Variants in BLM observed in about 807,000 individuals in gnomAD.
The protein encoded by BLM is recQ-like DNA helicase BLM.
A neutral mutation model predicts 135.3 loss-of-function variants in BLM; 95 were observed. That is an observed-to-expected ratio of 0.70 (90% CI 0.59 to 0.83). The LOEUF (loss-of-function observed/expected upper bound fraction) is 0.83. BLM is among the 40% of genes least tolerant of loss of function. BLM has a pLI of 0.00. For missense variants in BLM, 1,518 were observed against 1,663.9 expected, an observed-to-expected ratio of 0.91 and a Z score of 1.53; for synonymous variants, 520 against 589.2, an observed-to-expected ratio of 0.88 and a Z score of 1.70.
chr15:90,811,256 G>C lies in BLM; in HGVS notation c.3926G>C (p.Arg1309Thr), dbSNP rs1280067298. The C allele has an allele frequency of 1.2e-6, 2 of 1,614,164 alleles. No homozygotes were observed. The highest frequency in any genetic ancestry group is 2.2e-5 in the East Asian group (1 of 44,888). The change falls in exon 21 of 22, where the codon AGA (arginine) becomes ACA (threonine). Residue 1309 changes from arginine to threonine, a missense_variant. Physicochemically the swap from Arg to Thr is moderately conservative, Grantham distance 71. Transcript: ENST00000355112. ...ISLSSSRGPG[R>T]SAAEELDEEI... is the part of the protein sequence containing the mutation. ...CTGTCCAGCAGCAGAGGCCCCGGAA[G>C]AAGTGCCGCTGAGGAGCTCGACGAG... is the stretch of plus-strand genomic sequence containing the variant.
chr15:90,788,461 C>T (rs1292485571), intron 14 of BLM, among the ~76,000 whole-genome samples: 1 of 144,266 alleles, frequency 6.9e-6, no homozygotes, highest in African/African-American at 2.6e-5. Flanking sequence ...AACCCAAATG[C>T]CAGTGTTTTG....
chr15:90,770,176 C>CTTTTTTTTT (rs1452541663), intron 12 of BLM, among the ~76,000 whole-genome samples: 1 of 141,070 alleles, frequency 7.1e-6, no homozygotes, highest in Non-Finnish European at 1.5e-5. Context: ...ATCCCCCCCC[C>CTTTTTTTTT]CTTTTTTTTT....
rs1895953744 is a variant in BLM at position 90,760,729 on chromosome 15, G to A, written c.1356G>A (p.Glu452=). 2 of 1,614,122 alleles carry A rather than the reference G, an allele frequency of 1.2e-6. No homozygotes were observed. Among genetic ancestry groups the A allele is most frequent in the Non-Finnish European group, 1.7e-6 (2 of 1,180,024 alleles). ...DSCPTGNSMK[E]LNFSHLPSNS... The stretch of plus-strand genomic sequence containing the variant: ...GCCCTACAGGGAATTCTATGAAGGA[G>A]TTAAATTTTTCACACCTTCCCTCAA... Residue 452 remains glutamate (E), a synonymous_variant, in exon 7 of 22, where the codon GAG becomes GAA. Transcript: ENST00000355112.
chr15:90,760,629 G>A lies in BLM; in HGVS notation c.1256G>A (p.Ser419Asn). 1.2e-6 allele frequency: 2 copies of A among 1,612,308 alleles called. No homozygotes were observed. The highest frequency in any genetic ancestry group is 2.2e-5 in the East Asian group (1 of 44,840). ...KLLTEVDFNKSDASLLGSLWR... is the reference protein window; with the variant it reads ...KLLTEVDFNKNDASLLGSLWR... ...CTAACGGAAGTAGATTTTAATAAAA[G>A]TGATGCCAGTCTTCTTGGCTCATTG... The change falls in exon 7 of 22, where the codon AGT becomes AAT. Residue 419 changes from serine to asparagine, a missense_variant. By Grantham distance (46) the Ser-to-Asn change is conservative (BLOSUM62 1). This residue lies in a region of BLM where 724 missense variants were observed against 756.9 expected (regional missense o/e 0.96). Coordinates refer to ENST00000355112, the MANE Select transcript of BLM (RefSeq NM_000057.4).
chr15:90,739,330 G>A (rs139020271), intron 1 of BLM, among the ~76,000 whole-genome samples: 113 of 152,272 alleles, frequency 7.4e-4, no homozygotes, highest in African/African-American at 2.6e-3. Flanking sequence ...GAACCCGGGA[G>A]GCAGAGGTTG....
chr15:90,728,978 G>A (rs1285427335), intron 1 of BLM, among the ~76,000 whole-genome samples: 3 of 151,800 alleles, frequency 2.0e-5, no homozygotes, highest in South Asian at 2.1e-4. Context: ...CCAGAAATTC[G>A]AGACCAGTCT....
In BLM at chr15:90,760,752, C is replaced by G; in HGVS notation, c.1379C>G (p.Ser460Ter). Residue 460 changes from serine (S) to a stop codon, truncating the protein, a stop_gained, in exon 7 of 22, where the codon TCA (serine) becomes TGA (stop). Transcript: ENST00000355112. LOFTEE classifies it high-confidence loss of function. Reference protein sequence around the residue: ...MKELNFSHLPSNSVSPGDCLL... With the variant: ...MKELNFSHLP Reference sequence around the variant, plus strand: ...GAGTTAAATTTTTCACACCTTCCCTCAAATTCTGTTTCTCCTGGGGACTGT... The same window carrying G: ...GAGTTAAATTTTTCACACCTTCCCTGAAATTCTGTTTCTCCTGGGGACTGT... 6.2e-7 allele frequency: 1 copy of G among 1,614,080 alleles called. No homozygotes were observed. The highest frequency in any genetic ancestry group is 2.2e-5 in the East Asian group (1 of 44,878).
chr15:90,806,442 T>C (rs948261101), intron 19 of BLM, among the ~76,000 whole-genome samples: 3 of 143,340 alleles, frequency 2.1e-5, no homozygotes, highest in African/African-American at 8.0e-5. Flanking sequence ...ACCCAGGAGG[T>C]GGAGGTTGCA....
At chr15:90,773,294 C>A (rs967436490) in intron 12 of BLM, among the ~76,000 whole-genome samples, 2 of 151,630 alleles carry the variant, frequency 1.3e-5, no homozygotes, top group South Asian at 2.1e-4. Context: ...GTGGTGGGCG[C>A]CTGTAATACC....
Position 90,815,197 on chromosome 15 carries a change from G to A in BLM, c.4172G>A (p.Gly1391Glu), listed in dbSNP as rs770278313. Residue 1391 changes from glycine to glutamate, a missense_variant, in exon 22 of 22, where the codon GGA (glycine) becomes GAA (glutamate). This residue lies in a region of BLM where 153 missense variants were observed against 173.4 expected (regional missense o/e 0.88). Coordinates refer to ENST00000355112, the MANE Select transcript of BLM (RefSeq NM_000057.4). The surrounding 1 kb of genome is among the most constrained non-coding windows in gnomAD (Gnocchi z 4.6). ...SASHTSQATSGANSKLGIMAP... is the reference protein window; with the variant it reads ...SASHTSQATSEANSKLGIMAP... ...TCACATACTTCTCAAGCGACATCAG[G>A]AGCCAATAGCAAATTGGGGATTATG... 2 of 1,614,142 alleles carry A rather than the reference G, an allele frequency of 1.2e-6. No homozygotes were observed. The highest frequency in any genetic ancestry group is 1.7e-6 in the Non-Finnish European group (2 of 1,180,030).
intron 12 of BLM, among the ~76,000 whole-genome samples, chr15:90,778,695 T>C (rs138422247): frequency 2.5e-3 from 381 of 152,356 alleles, no homozygotes; most frequent in Non-Finnish European, 4.4e-3. Context: ...TAATATTCCA[T>C]TGTAGACGTC....
chr15:90,734,313 A>C (rs1287488860), intron 1 of BLM, among the ~76,000 whole-genome samples: 3 of 149,438 alleles, frequency 2.0e-5, no homozygotes, highest in Non-Finnish European at 3.0e-5. Context: ...TTTGAGATGG[A>C]GTCTCACCCT....
chr15:90,765,544 C>A, intron 9 of BLM, 130 bp downstream of exon 9: 1 of 740,336 alleles, frequency 1.4e-6, no homozygotes, highest in Non-Finnish European at 2.3e-6. Context: ...TGCAGTTGAA[C>A]AGAAGTCTGA....
rs1269271124 is a variant in BLM, at chr15:90,733,389, G to A, written c.-4-14000G>A. Among the ~76,000 whole-genome samples the A allele has an allele frequency of 5.9e-5, 9 of 152,180 alleles. 1 individual carries two copies. The East Asian group carries it at 7.7e-4, about 13-fold the overall frequency. On this transcript the variant is annotated intron_variant, in intron 1 of 21. Transcript: ENST00000355112. ...AAGTTTTTAAAGTTATGAAATAACT[G>A]TCTCACTGAAAAATAAAAAACATGA...
At chr15:90,734,343 A>G (rs1185716886) in intron 1 of BLM, among the ~76,000 whole-genome samples, 1 of 151,376 alleles carries the variant, frequency 6.6e-6, no homozygotes, top group Non-Finnish European at 1.5e-5. Context: ...GCTGAAGTAC[A>G]GTAGCATGAC....
Position 90,795,732 on chromosome 15 carries a change from C to T in BLM, c.3210+1375C>T, listed in dbSNP as rs28385110. ...AAAATCCCTGCCCTTGTGGAGCTTA[C>T]ACTCTAGCAGAGGGAGGCCAGTTAC... On this transcript the variant is annotated intron_variant, in intron 16 of 21. Coordinates refer to ENST00000355112, the MANE Select transcript of BLM (RefSeq NM_000057.4). 2.8e-3 allele frequency among the ~76,000 whole-genome samples: 426 copies of T among 152,318 alleles called. 2 individuals are homozygous for T. Among genetic ancestry groups the T allele is most frequent in the African/African-American group, 9.6e-3 (398 of 41,562 alleles).
intron 15 of BLM, among the ~76,000 whole-genome samples, chr15:90,792,815 G>A (rs573460634): frequency 6.6e-6 from 1 of 152,184 alleles, no homozygotes; most frequent in African/African-American, 2.4e-5. Context: ...GTAGAGCCCT[G>A]ACAGAACCCA....
At chr15:90,759,588 CCTTT>C (rs113032164) in intron 5 of BLM, among the ~76,000 whole-genome samples, 44,726 of 147,670 alleles carry the variant, frequency 0.3, 8,474 homozygotes, top group African/African-American at 0.55. Context: ...AGCCAGACCC[CCTTT>C]CTTTCTTTCT....
At chr15:90,761,301 C>A (rs2151159270) in intron 7 of BLM, 46 bp downstream of exon 7, 3 of 1,317,356 alleles carry the variant, frequency 2.3e-6, no homozygotes, top group Non-Finnish European at 3.0e-6. Flanking sequence ...CAAAACTGTC[C>A]CAAAATAGGA....
Sources: allele counts gnomAD v4.1 joint callset (sites outside exome capture counted in the v4.1 genomes callset), GRCh38; gene constraint gnomAD v4.1.1; regional missense constraint gnomAD v4.1.1; non-coding constraint Gnocchi (gnomAD v3.1); transcripts MANE v1.5; gene names NCBI Gene and HGNC (gene_info 2026-07-23, HGNC 2026-07-21).